The following UBR3 variants were observed in gnomAD, a reference collection of about 807,000 sequenced individuals.
UBR3 encodes the protein E3 ubiquitin-protein ligase UBR3.
Under a neutral mutation model 243.2 loss-of-function variants are expected in UBR3, and 85 were observed. That is an observed-to-expected ratio of 0.35 (90% CI 0.29 to 0.42). UBR3 has a LOEUF of 0.42. UBR3 is among the 10% of genes least tolerant of loss of function. UBR3 has a pLI of 1.00. For missense variants in UBR3, 1,686 were observed against 2,300.8 expected (o/e 0.73, Z 5.47); for synonymous variants, 748 against 799.8 (o/e 0.94, Z 1.09).
At position 169,827,517 on chromosome 2, in the gene UBR3, G is replaced by C. The variant is rs1460463169; in HGVS notation, c.10G>C (p.Ala4Pro). MAAAAAAAVGGQQP... is the reference protein window; with the variant it reads MAAPAAAAVGGQQP... The stretch of plus-strand genomic sequence containing the variant: ...ATTCTGAGCTCTCATCATGGCGGCG[G>C]CGGCCGCGGCGGCCGTCGGGGGCCA... The change falls in exon 1 of 39, where the codon GCG becomes CCG. Residue 4 changes from alanine (A) to proline (P), a missense_variant. Physicochemically the swap from Ala to Pro is conservative, Grantham distance 27. This residue lies in a region of UBR3 where 79 missense variants were observed against 73.2 expected (regional missense o/e 1.08). Coordinates refer to ENST00000272793, the MANE Select transcript of UBR3 (RefSeq NM_172070.4). The C allele has an allele frequency of 1.6e-6, 2 of 1,225,314 alleles. No homozygotes were observed. Among genetic ancestry groups the C allele is most frequent in the African/African-American group, 3.1e-5 (2 of 64,004 alleles). 75.9% of individuals were successfully genotyped at this position (1,225,314 alleles called of 1,614,324 possible). A position where few individuals can be genotyped will look rare whatever the true frequency, so the allele number is the denominator to read the frequency against.
intron 16 of UBR3, 81 bp downstream of exon 16, chr2:169,927,052 G>T: frequency 6.9e-7 from 1 of 1,442,026 alleles, no homozygotes; most frequent in East Asian, 2.5e-5. Context: ...AACTGGCTTA[G>T]GGAAAAAAGG....
chr2:170,000,832 A>C (rs2089668392), intron 26 of UBR3, among the ~76,000 whole-genome samples: 2 of 152,216 alleles, frequency 1.3e-5, no homozygotes, highest in Admixed American at 1.3e-4. Context: ...AGCAAAGAAA[A>C]AAAGATCCTT....
At chr2:169,963,720 A>AGG (rs2087683396) in intron 24 of UBR3, among the ~76,000 whole-genome samples, 1 of 152,204 alleles carries the variant, frequency 6.6e-6, no homozygotes, top group Non-Finnish European at 1.5e-5. Context: ...AACCTAGGTT[A>AGG]TACCCTTACA....
rs559862569 is a variant in UBR3 at position 170,068,040 on chromosome 2, G to A, written c.5020-5388G>A. On this transcript the variant is annotated intron_variant, in intron 35 of 38. Transcript: ENST00000272793. ...CCACCTTGGCCTCCCAAAGTGCTAG[G>A]ATTACAGGCATGAGCCACCTCACCC... Among the ~76,000 whole-genome samples the A allele has an allele frequency of 1.8e-4, 28 of 152,094 alleles. 2 individuals are homozygous for A. In the South Asian group the frequency reaches 2.7e-3, roughly 15 times the overall value.
chr2:169,911,635 A>G (rs2085258102), intron 10 of UBR3, among the ~76,000 whole-genome samples: 1 of 152,048 alleles, frequency 6.6e-6, no homozygotes, highest in Admixed American at 6.6e-5. Context: ...TTGACTTGTC[A>G]CCTTTTTAAA....
At chr2:170,060,563 C>A (rs1339913173) in intron 33 of UBR3, among the ~76,000 whole-genome samples, 1 of 151,926 alleles carries the variant, frequency 6.6e-6, no homozygotes, top group Non-Finnish European at 1.5e-5. Flanking sequence ...ATGACTATAT[C>A]TTTTTTAAAT....
chr2:169,839,787 G>T (rs755254229), intron 1 of UBR3, among the ~76,000 whole-genome samples: 1 of 152,182 alleles, frequency 6.6e-6, no homozygotes, highest in Non-Finnish European at 1.5e-5. Flanking sequence ...ACTCAGTAAG[G>T]CAAACAACAT....
chr2:169,972,189 A>T (rs1042630958), intron 24 of UBR3, among the ~76,000 whole-genome samples: 3 of 152,200 alleles, frequency 2.0e-5, no homozygotes, highest in African/African-American at 7.2e-5. Context: ...TCCTCGACAC[A>T]TACACTCTCC....
In UBR3 at chr2:169,946,399, A is replaced by C. The variant is rs1032043519; in HGVS notation, c.2910+7A>C. 9.6e-6 allele frequency: 14 copies of C among 1,455,946 alleles called. No individual in the cohort carries two copies. Among genetic ancestry groups the C allele is most frequent in the Non-Finnish European group, 1.1e-5 (12 of 1,093,976 alleles). The allele number at this position is 1,455,946 out of a possible 1,614,324, so 90.2% of individuals were successfully genotyped here. A position where few individuals can be genotyped will look rare whatever the true frequency, so the allele number is the denominator to read the frequency against. On this transcript the variant is annotated splice_region_variant and intron_variant, in intron 21 of 38. Coordinates refer to ENST00000272793, the MANE Select transcript of UBR3 (RefSeq NM_172070.4). ...AGAAGAATCAGATGAAGAGGTAAGT[A>C]GTTTTTATAATTTAAAATTTTTAGA...
intron 36 of UBR3, among the ~76,000 whole-genome samples, chr2:170,074,783 G>C (rs1050758121): frequency 1.3e-5 from 2 of 150,836 alleles, no homozygotes; most frequent in African/African-American, 4.9e-5. Flanking sequence ...GTACTTTTGT[G>C]ACTTTCTCTA....
At position 169,924,108 on chromosome 2, in the gene UBR3, T is replaced by G. The variant is rs374940637; in HGVS notation, c.1957T>G (p.Leu653Val). Residue 653 changes from leucine to valine, a missense_variant, in exon 13 of 39, where the codon TTG becomes GTG. Coordinates refer to ENST00000272793, the MANE Select transcript of UBR3 (RefSeq NM_172070.4). ...GGCTGTGAAATGTCAAGAACTAGAT[T>G]TGGATTCTGTTTTACCAGATCAGGA... ...SKAVKCQELD[L>V]DSVLPDQEML... is the part of the protein sequence containing the mutation. The G allele has an allele frequency of 3.8e-5, 58 of 1,546,342 alleles. 1 individual carries two copies. In the South Asian group the frequency reaches 6.4e-4, roughly 17 times the overall value.
intron 24 of UBR3, among the ~76,000 whole-genome samples, chr2:169,969,540 A>G (rs1023784151): frequency 3.6e-5 from 5 of 138,614 alleles, no homozygotes; most frequent in African/African-American, 2.7e-5. Context: ...ATTCTGTTCC[A>G]TTTGTGTCTT....
At chr2:169,868,217 C>G (rs2083321101) in intron 1 of UBR3, among the ~76,000 whole-genome samples, 1 of 152,180 alleles carries the variant, frequency 6.6e-6, no homozygotes, top group African/African-American at 2.4e-5. Context: ...CAGAGCTGCT[C>G]TTGGTAAACT....
chr2:169,984,162 T>C (rs2088889043), intron 24 of UBR3, among the ~76,000 whole-genome samples: 1 of 152,214 alleles, frequency 6.6e-6, no homozygotes, highest in South Asian at 2.1e-4. Flanking sequence ...GTGCAGATAT[T>C]GATGTGTGCA....
At chr2:169,897,949 A>G (rs1037421236) in intron 8 of UBR3, among the ~76,000 whole-genome samples, 7 of 152,194 alleles carry the variant, frequency 4.6e-5, no homozygotes, top group South Asian at 2.1e-4. Flanking sequence ...GAGGCTTAGG[A>G]AAGTTAAGCA....
chr2:169,867,513 AT>A (rs1284982713), intron 1 of UBR3, among the ~76,000 whole-genome samples: 1 of 152,192 alleles, frequency 6.6e-6, no homozygotes, highest in Non-Finnish European at 1.5e-5. Flanking sequence ...ATTTAGGAGT[AT>A]TTCTGTATAA....
chr2:169,994,505 A>G, intron 26 of UBR3, 49 bp downstream of exon 26: 1 of 1,555,466 alleles, frequency 6.4e-7, no homozygotes, highest in East Asian at 2.3e-5. Context: ...GTTGATGGTT[A>G]TTTCCCTCCA....
intron 1 of UBR3, among the ~76,000 whole-genome samples, chr2:169,846,301 A>G (rs1366139295): frequency 6.6e-6 from 1 of 152,132 alleles, no homozygotes. Flanking sequence ...TCATTATATA[A>G]TGTCCTTTTT....
intron 20 of UBR3, among the ~76,000 whole-genome samples, chr2:169,943,160 T>A (rs1467143168): frequency 6.6e-6 from 1 of 152,244 alleles, no homozygotes; most frequent in African/African-American, 2.4e-5. Context: ...GCTTGTTATC[T>A]AAAATTTGTT....
Sources: allele counts gnomAD v4.1 joint callset (sites outside exome capture counted in the v4.1 genomes callset), GRCh38; gene constraint gnomAD v4.1.1; regional missense constraint gnomAD v4.1.1; transcripts MANE v1.5; gene names NCBI Gene and HGNC (gene_info 2026-07-23, HGNC 2026-07-21).